Variants in TBC1D32 observed in about 807,000 individuals in gnomAD.
TBC1D32 encodes protein broad-minded.
TBC1D32 carries 151 observed loss-of-function variants against 170.3 expected under a neutral mutation model. The ratio of observed to expected loss-of-function variants is 0.89; its 90% CI spans 0.78 to 1.01. The LOEUF (loss-of-function observed/expected upper bound fraction) is 1.01. Among genes scored for constraint, TBC1D32 ranks in the 50% least tolerant of loss-of-function variants. The pLI, the probability that TBC1D32 is intolerant of heterozygous loss-of-function variation, is 0.00. For synonymous variants in TBC1D32, 498 were observed against 488.0 expected (o/e 1.02, Z -0.27); for missense variants, 1,464 against 1,457.1 (o/e 1.00, Z -0.08).
intron 22 of TBC1D32, among the ~76,000 whole-genome samples, chr6:121,168,712 TAAAAAA>T (rs59283869): frequency 0.043 from 4,030 of 93,924 alleles, 186 homozygotes; most frequent in African/African-American, 0.13. Flanking sequence ...TAGAGTATAA[TAAAAAA>T]AAAAAAAAAA....
rs570849975 is a variant in TBC1D32, at chr6:121,284,257, G to A, written c.1373-347C>T. 3.9e-5 allele frequency among the ~76,000 whole-genome samples: 6 copies of A among 152,100 alleles called. No homozygotes were observed. The South Asian group carries it at 1.2e-3, about 32-fold the overall frequency. ...TAGTAAAATTCAGCTTACCAAGTTG[G>A]TCCAGCTAACTTATCTACACAAAAC... On this transcript the variant is annotated intron_variant, in intron 12 of 31. Transcript: ENST00000398212.
At chr6:121,287,553 G>A (rs551416294) in intron 12 of TBC1D32, among the ~76,000 whole-genome samples, 21 of 152,056 alleles carry the variant, frequency 1.4e-4, no homozygotes, top group Non-Finnish European at 2.6e-4. Context: ...CAATAATAAT[G>A]GGAGACTTTA....
At chr6:121,223,397 A>G (rs577325190) in intron 20 of TBC1D32, 45 bp from the exon 21 acceptor site, 3 of 1,312,472 alleles carry the variant, frequency 2.3e-6, no homozygotes, top group African/African-American at 1.5e-5. Flanking sequence ...ACTTTTGTCA[A>G]CCACATCCAT....
intron 24 of TBC1D32, chr6:121,139,752 A>G (rs1782567371): frequency 6.6e-6 from 1 of 152,104 alleles, no homozygotes; most frequent in Non-Finnish European, 1.5e-5. Flanking sequence ...TAATTATAAA[A>G]CCCAAGAACT....
In TBC1D32 at chr6:121,146,502, T is replaced by C. The variant is rs151037660; in HGVS notation, c.2773+13508A>G. Reference sequence around the variant, plus strand: ...TATATCATTGATAAAATAGGAAACATGGCTATTAACTAAACGAAGCATGGG... The same window carrying C: ...TATATCATTGATAAAATAGGAAACACGGCTATTAACTAAACGAAGCATGGG... On this transcript the variant is annotated intron_variant, in intron 24 of 31. Transcript: ENST00000398212. Among the ~76,000 whole-genome samples, 663 of 152,260 alleles carry C rather than the reference T, an allele frequency of 4.4e-3. 4 individuals are homozygous for C. Among genetic ancestry groups the C allele is most frequent in the Non-Finnish European group, 7.0e-3 (477 of 68,018 alleles).
chr6:121,194,145 G>C (rs1385307141), intron 22 of TBC1D32, among the ~76,000 whole-genome samples: 1 of 152,146 alleles, frequency 6.6e-6, no homozygotes, highest in African/African-American at 2.4e-5. Flanking sequence ...ATGGAGGTCA[G>C]GTAATTAACG....
chr6:121,273,203 A>C (rs1801719895), intron 15 of TBC1D32, among the ~76,000 whole-genome samples: 1 of 151,998 alleles, frequency 6.6e-6, no homozygotes, highest in African/African-American at 2.4e-5. Flanking sequence ...GCACACGTAT[A>C]CATATGTAAC....
intron 4 of TBC1D32, among the ~76,000 whole-genome samples, chr6:121,310,451 T>C (rs576201282): frequency 6.7e-6 from 1 of 148,758 alleles, no homozygotes; most frequent in Non-Finnish European, 1.5e-5. Flanking sequence ...AATCTTTTTC[T>C]TAAGAAATGA....
At chr6:121,231,822 T>G (rs1315931281) in intron 20 of TBC1D32, among the ~76,000 whole-genome samples, 1 of 152,152 alleles carries the variant, frequency 6.6e-6, no homozygotes, top group African/African-American at 2.4e-5. Context: ...AAATTAGTCT[T>G]TTGTCAGATG....
chr6:121,124,676 T>A (rs1780645774), intron 26 of TBC1D32, among the ~76,000 whole-genome samples: 1 of 152,138 alleles, frequency 6.6e-6, no homozygotes, highest in Non-Finnish European at 1.5e-5. Context: ...CTTTGTTTTT[T>A]TGATGTTGTT....
At chr6:121,181,720 C>T (rs191082294) in intron 22 of TBC1D32, among the ~76,000 whole-genome samples, 17 of 152,250 alleles carry the variant, frequency 1.1e-4, no homozygotes, top group Admixed American at 1.0e-3. Flanking sequence ...GATATGGAAT[C>T]AGCCTAAGTG....
intron 5 of TBC1D32, among the ~76,000 whole-genome samples, chr6:121,305,573 A>T (rs562512278): frequency 1.3e-5 from 2 of 152,078 alleles, no homozygotes; most frequent in Non-Finnish European, 2.9e-5. Flanking sequence ...ACCAGTTTAG[A>T]TAATCCACTT....
intron 24 of TBC1D32, among the ~76,000 whole-genome samples, chr6:121,157,144 G>A (rs1279184818): frequency 2.0e-5 from 3 of 152,060 alleles, no homozygotes; most frequent in African/African-American, 7.2e-5. Flanking sequence ...GGCTATATAA[G>A]TCTTTTCCAG....
chr6:121,270,664 C>A (rs1414805126), intron 15 of TBC1D32, among the ~76,000 whole-genome samples: 1 of 152,060 alleles, frequency 6.6e-6, no homozygotes, highest in Non-Finnish European at 1.5e-5. Flanking sequence ...GGATTCACAG[C>A]CAAAATCTAC....
chr6:121,236,678 A>G (rs1796365982), intron 20 of TBC1D32, among the ~76,000 whole-genome samples: 1 of 152,130 alleles, frequency 6.6e-6, no homozygotes, highest in African/African-American at 2.4e-5. Flanking sequence ...TTTCTATTGC[A>G]AAGTCAAACA....
chr6:121,229,855 T>C (rs145487346), intron 20 of TBC1D32, among the ~76,000 whole-genome samples: 3 of 152,134 alleles, frequency 2.0e-5, no homozygotes, highest in Middle Eastern at 3.4e-3. Context: ...TGGGAGCTGA[T>C]TGGATCATGG....
At chr6:121,190,108 A>G (rs948462446) in intron 22 of TBC1D32, among the ~76,000 whole-genome samples, 18 of 145,772 alleles carry the variant, frequency 1.2e-4, no homozygotes, top group Non-Finnish European at 1.7e-4. Context: ...ACACACACAC[A>G]CACACACACA....
At chr6:121,195,037 G>A (rs977494567) in intron 22 of TBC1D32, among the ~76,000 whole-genome samples, 2 of 152,178 alleles carry the variant, frequency 1.3e-5, no homozygotes, top group African/African-American at 2.4e-5. Context: ...GCTGCATTTG[G>A]CCTCTCCTAC....
chr6:121,205,970 G>A (rs111627003), intron 21 of TBC1D32, among the ~76,000 whole-genome samples: 2,184 of 152,208 alleles, frequency 0.014, 15 homozygotes, highest in Middle Eastern at 0.034. Context: ...CCAGCACTTT[G>A]GGAGGCCGAG....
Sources: allele counts gnomAD v4.1 joint callset (sites outside exome capture counted in the v4.1 genomes callset), GRCh38; gene constraint gnomAD v4.1.1; transcripts MANE v1.5; gene names NCBI Gene and HGNC (gene_info 2026-07-23, HGNC 2026-07-21).